Variants in OLFML1 observed in about 807,000 individuals in gnomAD.
OLFML1 encodes the protein olfactomedin like 1.
In OLFML1, 33 loss-of-function variants were observed where a neutral mutation model predicts 37.3. The ratio of observed to expected loss-of-function variants is 0.88; its 90% CI spans 0.67 to 1.18. OLFML1 has a LOEUF of 1.18. Ranked by LOEUF, OLFML1 falls within the 50% of genes most tolerant of loss-of-function variation. The pLI is 0.00. For missense variants in OLFML1, 545 were observed against 483.7 expected, an observed-to-expected ratio of 1.13 and a Z score of -1.19; for synonymous variants, 186 against 181.3, an observed-to-expected ratio of 1.03 and a Z score of -0.21.
chr11:7,488,782 T>C (rs998962055), intron 2 of OLFML1: 2 of 168,752 alleles, frequency 1.2e-5, no homozygotes, highest in Non-Finnish European at 2.6e-5. Flanking sequence ...ACCCAGGCTG[T>C]AGATAGCATC....
At chr11:7,487,534 A>C (rs1343305643) in intron 1 of OLFML1, among the ~76,000 whole-genome samples, 7 of 152,230 alleles carry the variant, frequency 4.6e-5, no homozygotes. Flanking sequence ...TTGTTCAGCA[A>C]ATATTTATTG....
chr11:7,503,580 T>G (rs953870315), intron 2 of OLFML1, among the ~76,000 whole-genome samples: 2 of 152,184 alleles, frequency 1.3e-5, no homozygotes, highest in Non-Finnish European at 2.9e-5. Context: ...TAGAATGGCT[T>G]AGAGGATCAC....
chr11:7,507,960 C>G (rs1848805069), intron 2 of OLFML1, among the ~76,000 whole-genome samples: 1 of 152,164 alleles, frequency 6.6e-6, no homozygotes, highest in Non-Finnish European at 1.5e-5. Context: ...TTATCTGGTC[C>G]TTTCTTATTT....
intron 2 of OLFML1, among the ~76,000 whole-genome samples, chr11:7,495,196 C>T (rs761149087): frequency 2.4e-4 from 36 of 152,084 alleles, no homozygotes; most frequent in Non-Finnish European, 4.9e-4. Context: ...CTATGAAAGC[C>T]TCCTCGCTGA....
chr11:7,485,737 T>C lies in OLFML1; in HGVS notation c.-139T>C. 1 of 835,686 alleles carries C rather than the reference T, an allele frequency of 1.2e-6. No individual in the cohort carries two copies. The allele number at this position is 835,686 out of a possible 1,614,324, so 51.8% of individuals were successfully genotyped here. On this transcript the variant is annotated 5_prime_UTR_variant, in exon 1 of 3. Coordinates refer to ENST00000329293, the MANE Select transcript of OLFML1 (RefSeq NM_198474.4). The stretch of plus-strand genomic sequence containing the variant: ...ATCGGGTGGAATAACAAGCGGACTT[T>C]GCTCTCTGCTGTGCAAAACGCTGTT...
At chr11:7,496,452 G>A (rs866688166) in intron 2 of OLFML1, among the ~76,000 whole-genome samples, 3 of 152,360 alleles carry the variant, frequency 2.0e-5, no homozygotes, top group South Asian at 2.1e-4. Flanking sequence ...GTGATTAACA[G>A]TTTTGAGGAA....
chr11:7,506,717 A>G (rs1289287923), intron 2 of OLFML1, among the ~76,000 whole-genome samples: 1 of 152,116 alleles, frequency 6.6e-6, no homozygotes. Context: ...TAGGCCAGGG[A>G]CTTGTGTTGG....
chr11:7,491,835 T>C (rs2040002168), intron 2 of OLFML1, among the ~76,000 whole-genome samples: 1 of 152,228 alleles, frequency 6.6e-6, no homozygotes, highest in African/African-American at 2.4e-5. Flanking sequence ...CCATAGGCAC[T>C]GCACAACACA....
intron 2 of OLFML1, among the ~76,000 whole-genome samples, chr11:7,498,916 C>T (rs1417301437): frequency 6.6e-6 from 1 of 152,126 alleles, no homozygotes; most frequent in Non-Finnish European, 1.5e-5. Flanking sequence ...ATTTGGATAG[C>T]TCTCATCTGG....
chr11:7,495,982 T>C (rs1590059781), intron 2 of OLFML1, among the ~76,000 whole-genome samples: 1 of 152,214 alleles, frequency 6.6e-6, no homozygotes, highest in African/African-American at 2.4e-5. Context: ...GTTGCCACAA[T>C]AATGCTACAT....
At chr11:7,500,892 T>TA (rs1276531637) in intron 2 of OLFML1, among the ~76,000 whole-genome samples, 3 of 151,890 alleles carry the variant, frequency 2.0e-5, no homozygotes, top group South Asian at 2.1e-4. Context: ...TAAAAAATTT[T>TA]AAAAAAACTT....
Position 7,505,646 on chromosome 11 carries a change from C to CA in OLFML1, c.419-3751dup, listed in dbSNP as rs560737073. Among the ~76,000 whole-genome samples, 192 of 152,262 alleles carry CA rather than the reference C, an allele frequency of 1.3e-3. 2 individuals are homozygous for CA. The highest frequency in any genetic ancestry group is 4.5e-3 in the African/African-American group (186 of 41,536). ...TAGAGTTTGAGACTAGCCTGGGCAACATAGTAGACCTCATCATTGCAAAAA... is the reference window on the plus strand; with the variant it reads ...TAGAGTTTGAGACTAGCCTGGGCAACAATAGTAGACCTCATCATTGCAAAAA... On this transcript the variant is annotated intron_variant, in intron 2 of 2. Transcript: ENST00000329293.
intron 1 of OLFML1, among the ~76,000 whole-genome samples, chr11:7,487,051 G>A (rs34448068): frequency 0.054 from 8,260 of 152,244 alleles, 318 homozygotes; most frequent in Non-Finnish European, 0.085. Context: ...ATTTAGCACC[G>A]ACTTGCCTTG....
At chr11:7,506,768 G>A (rs1173693937) in intron 2 of OLFML1, among the ~76,000 whole-genome samples, 1 of 152,166 alleles carries the variant, frequency 6.6e-6, no homozygotes, top group Non-Finnish European at 1.5e-5. Flanking sequence ...GGGTGAGAAT[G>A]CTGGTGAGAG....
chr11:7,494,002 G>A (rs762502105), intron 2 of OLFML1, among the ~76,000 whole-genome samples: 1 of 152,204 alleles, frequency 6.6e-6, no homozygotes, highest in Non-Finnish European at 1.5e-5. Flanking sequence ...TGTCACAAAA[G>A]CACAGGGGGC....
intron 2 of OLFML1, among the ~76,000 whole-genome samples, chr11:7,504,344 CAAAG>C (rs1478369337): frequency 6.6e-6 from 1 of 151,870 alleles, no homozygotes; most frequent in Non-Finnish European, 1.5e-5. Flanking sequence ...AGAGGGAGAA[CAAAG>C]AGAGAAGCAG....
intron 2 of OLFML1, among the ~76,000 whole-genome samples, chr11:7,507,385 A>G (rs1185047200): frequency 6.6e-6 from 1 of 151,484 alleles, no homozygotes; most frequent in Non-Finnish European, 1.5e-5. Context: ...CCTTTACTTC[A>G]CTCCTGCTCG....
chr11:7,486,965 C>A (rs908894622), intron 1 of OLFML1, among the ~76,000 whole-genome samples: 4 of 152,160 alleles, frequency 2.6e-5, no homozygotes, highest in South Asian at 2.1e-4. Flanking sequence ...CGGCCTCTTG[C>A]GCTTCTTCAC....
intron 2 of OLFML1, among the ~76,000 whole-genome samples, chr11:7,495,891 A>T (rs1848656973): frequency 6.6e-6 from 1 of 152,152 alleles, no homozygotes. Context: ...ATACAGAAGT[A>T]TGCACCACCC....
Sources: gnomAD v4.1 joint callset for allele counts (sites outside exome capture counted in the v4.1 genomes callset) on GRCh38, gnomAD v4.1.1 for gene constraint, MANE v1.5 for transcripts, NCBI Gene and HGNC (gene_info 2026-07-23, HGNC 2026-07-21) for gene names.